Variants in PID1 observed in about 807,000 individuals in gnomAD.
The protein encoded by PID1 is PTB-containing, cubilin and LRP1-interacting protein.
A neutral mutation model predicts 19.1 loss-of-function variants in PID1; 10 were observed. The observed-to-expected ratio is 0.52, with a 90% CI of 0.32 to 0.89. The LOEUF (loss-of-function observed/expected upper bound fraction) is 0.89. Ranked by LOEUF, PID1 falls within the 40% of genes least tolerant of loss-of-function variation. PID1 has a pLI of 0.03. For synonymous variants in PID1, 130 were observed against 116.0 expected (o/e 1.12, Z -0.78); for missense variants, 248 against 285.3 (o/e 0.87, Z 0.94).
chr2:229,260,350 C>T (rs1443746120), intron 1 of PID1, among the ~76,000 whole-genome samples: 1 of 151,800 alleles, frequency 6.6e-6, no homozygotes, highest in African/African-American at 2.4e-5. Context: ...AATTATAGTC[C>T]AGCTTCACCA....
intron 1 of PID1, among the ~76,000 whole-genome samples, chr2:229,255,921 C>T (rs1690281109): frequency 6.6e-6 from 1 of 152,168 alleles, no homozygotes; most frequent in Admixed American, 6.5e-5. Flanking sequence ...CAGAAGTTGG[C>T]CTCCATGCAC....
chr2:229,151,206 C>T (rs913261100), intron 2 of PID1, among the ~76,000 whole-genome samples: 1 of 152,112 alleles, frequency 6.6e-6, no homozygotes, highest in African/African-American at 2.4e-5. Context: ...CTCAAAATCA[C>T]ATGACACAAC....
At chr2:229,268,119 T>C (rs985378219) in intron 1 of PID1, among the ~76,000 whole-genome samples, 2 of 152,340 alleles carry the variant, frequency 1.3e-5, no homozygotes, top group Middle Eastern at 3.4e-3. Context: ...AGGGAGCAGA[T>C]GAACTTGCCT....
intron 1 of PID1, among the ~76,000 whole-genome samples, chr2:229,267,335 C>T (rs993131552): frequency 6.6e-6 from 1 of 152,172 alleles, no homozygotes; most frequent in African/African-American, 2.4e-5. Context: ...GCCCAGGCTG[C>T]AAAACTCAAA....
chr2:229,232,078 C>T (rs1332277439), intron 1 of PID1: 50 of 1,511,070 alleles, frequency 3.3e-5, no homozygotes, highest in Non-Finnish European at 4.1e-5. Context: ...TTGTACAAGG[C>T]TTTTCATTCC....
chr2:229,150,526 T>A (rs745960326), intron 2 of PID1, among the ~76,000 whole-genome samples: 4 of 152,220 alleles, frequency 2.6e-5, no homozygotes, highest in Non-Finnish European at 4.4e-5. Context: ...TTCCTGTTCC[T>A]ATACACACAC....
intron 2 of PID1, among the ~76,000 whole-genome samples, chr2:229,029,661 G>A (rs1693504137): frequency 6.6e-6 from 1 of 151,988 alleles, no homozygotes; most frequent in Non-Finnish European, 1.5e-5. Context: ...TTAACATGAT[G>A]AAACTCCGTC....
intron 2 of PID1, among the ~76,000 whole-genome samples, chr2:229,080,327 C>T (rs1279955918): frequency 3.9e-5 from 6 of 152,068 alleles, no homozygotes; most frequent in Admixed American, 3.9e-4. Flanking sequence ...ATACTGAGGC[C>T]CTAACAAATC....
intron 2 of PID1, among the ~76,000 whole-genome samples, chr2:229,038,570 T>C (rs1231908011): frequency 6.6e-6 from 1 of 152,224 alleles, no homozygotes; most frequent in African/African-American, 2.4e-5. Context: ...ATGTATCATA[T>C]ATTTATGTTG....
intron 1 of PID1, among the ~76,000 whole-genome samples, chr2:229,202,756 G>A (rs139118444): frequency 4.3e-4 from 65 of 152,088 alleles, no homozygotes; most frequent in African/African-American, 1.4e-3. Context: ...GCTTGTAAGC[G>A]GAAATGGTTT....
chr2:229,155,201 T>C (rs1690340145), intron 2 of PID1, among the ~76,000 whole-genome samples: 1 of 152,202 alleles, frequency 6.6e-6, no homozygotes, highest in Non-Finnish European at 1.5e-5. Flanking sequence ...AAAACTTTTC[T>C]TGTGAACTCC....
chr2:229,251,968 A>G (rs1690165567), intron 1 of PID1, among the ~76,000 whole-genome samples: 1 of 150,308 alleles, frequency 6.7e-6, no homozygotes, highest in Non-Finnish European at 1.5e-5. Flanking sequence ...AAAAAAGAAA[A>G]GCTTAAAAAA....
rs568464005 is a variant in PID1, at chr2:229,101,301, G to T, written c.177+54517C>A. On this transcript the variant is annotated intron_variant, in intron 2 of 2. Coordinates refer to ENST00000392055, the MANE Select transcript of PID1 (RefSeq NM_001100818.2). ...TACATAGGTAAACGTGTGCCATGGT[G>T]GTTTGCTGCACTTATCAACCCATCA... is the stretch of plus-strand genomic sequence containing the variant. 2.0e-3 allele frequency among the ~76,000 whole-genome samples: 311 copies of T among 152,252 alleles called. 1 individual carries two copies. Among genetic ancestry groups the T allele is most frequent in the Non-Finnish European group, 3.4e-3 (234 of 68,018 alleles).
chr2:229,247,277 G>C (rs1191181154), intron 1 of PID1, among the ~76,000 whole-genome samples: 2 of 152,180 alleles, frequency 1.3e-5, no homozygotes, highest in East Asian at 3.9e-4. Flanking sequence ...CCCAAGGCTA[G>C]TATGAAAGCT....
intron 2 of PID1, among the ~76,000 whole-genome samples, chr2:229,102,283 T>C (rs1695087579): frequency 6.6e-6 from 1 of 151,916 alleles, no homozygotes; most frequent in South Asian, 2.1e-4. Flanking sequence ...CTATAACAAG[T>C]TAAAAAAAAT....
intron 2 of PID1, among the ~76,000 whole-genome samples, chr2:229,098,761 C>G (rs772383837): frequency 6.6e-6 from 1 of 152,184 alleles, no homozygotes; most frequent in Non-Finnish European, 1.5e-5. Context: ...GAGACAGCAA[C>G]TCTCCCGCTA....
At chr2:229,217,983 T>C (rs973083384) in intron 1 of PID1, among the ~76,000 whole-genome samples, 3 of 152,242 alleles carry the variant, frequency 2.0e-5, no homozygotes, top group Non-Finnish European at 4.4e-5. Context: ...TGGTCACTTC[T>C]GATGGGAATC....
intron 2 of PID1, among the ~76,000 whole-genome samples, chr2:229,095,576 A>C (rs1694957405): frequency 6.6e-6 from 1 of 152,196 alleles, no homozygotes. Context: ...GCATAAAATT[A>C]ACATACCAAT....
intron 1 of PID1, among the ~76,000 whole-genome samples, chr2:229,220,313 C>T (rs1691939309): frequency 6.6e-6 from 1 of 152,186 alleles, no homozygotes; most frequent in African/African-American, 2.4e-5. Context: ...TAGCAAGTGG[C>T]AAGCAGCCAG....
Sources: allele counts gnomAD v4.1 joint callset (sites outside exome capture counted in the v4.1 genomes callset), GRCh38; gene constraint gnomAD v4.1.1; transcripts MANE v1.5; gene names NCBI Gene and HGNC (gene_info 2026-07-23, HGNC 2026-07-21).